CYRIA: variants seen among roughly 807,000 people sequenced by gnomAD.
CYRIA encodes the protein CYFIP related Rac1 interactor A, also known as CYFIP-related Rac1 interactor A.
Under a neutral mutation model 43.9 loss-of-function variants are expected in CYRIA, and 15 were observed. That is an observed-to-expected ratio of 0.34 (90% CI 0.23 to 0.53). The LOEUF is 0.53. Among genes scored for constraint, CYRIA ranks in the 20% least tolerant of loss-of-function variants. The pLI is 0.94. For missense variants in CYRIA, 236 were observed against 394.2 expected (o/e 0.60, Z 3.40); for synonymous variants, 117 against 136.0 (o/e 0.86, Z 0.97).
At chr2:16,619,727 A>G (rs1668934045) in intron 2 of CYRIA, among the ~76,000 whole-genome samples, 1 of 152,190 alleles carries the variant, frequency 6.6e-6, no homozygotes, top group Admixed American at 6.5e-5. Flanking sequence ...TGGGAGGATG[A>G]GGAGGTGGCT....
intron 1 of CYRIA, among the ~76,000 whole-genome samples, chr2:16,646,679 A>G (rs1024996089): frequency 1.3e-5 from 2 of 152,220 alleles, no homozygotes; most frequent in African/African-American, 4.8e-5. Context: ...TTGGTTAAAC[A>G]TTATTCTGTT....
rs1553342785 is a variant in CYRIA at position 16,601,722 on chromosome 2, A to AAAT, written c.-10-13594_-10-13593insATT. ...CACATTTCCAGTTTCAAAAAAAAAAAAAAAGAGAGAATTCATATATGCAGA... is the reference window on the plus strand; with the variant it reads ...CACATTTCCAGTTTCAAAAAAAAAAAAATAAAAGAGAGAATTCATATATGCAGA... On this transcript the variant is annotated intron_variant, in intron 2 of 11. Transcript: ENST00000381323. 5.8e-3 allele frequency among the ~76,000 whole-genome samples: 872 copies of AAAT among 151,012 alleles called. 6 individuals are homozygous for AAAT. The highest frequency in any genetic ancestry group is 0.021 in the African/African-American group (842 of 40,884).
At chr2:16,639,380 C>T (rs1319799963) in intron 1 of CYRIA, among the ~76,000 whole-genome samples, 1 of 152,234 alleles carries the variant, frequency 6.6e-6, no homozygotes, top group African/African-American at 2.4e-5. Flanking sequence ...ATCTGATATT[C>T]AGATGAAATG....
chr2:16,607,600 CT>C (rs11435489), intron 2 of CYRIA, among the ~76,000 whole-genome samples: 2 of 151,980 alleles, frequency 1.3e-5, no homozygotes, highest in Admixed American at 6.5e-5. Context: ...TGCCTTTTTT[CT>C]TTTTTTTAGA....
chr2:16,611,688 A>G (rs1163720222), intron 2 of CYRIA, among the ~76,000 whole-genome samples: 1 of 151,270 alleles, frequency 6.6e-6, no homozygotes, highest in Non-Finnish European at 1.5e-5. Flanking sequence ...CCCACTGCCA[A>G]GACGCCTGTG....
At chr2:16,646,238 A>C (rs13402845) in intron 1 of CYRIA, among the ~76,000 whole-genome samples, 13,187 of 152,210 alleles carry the variant, frequency 0.087, 1,357 homozygotes, top group African/African-American at 0.24. Flanking sequence ...TCTAGAGTTC[A>C]TCCTCCCCCA....
At position 16,648,710 on chromosome 2, in the gene CYRIA, T is replaced by C. The variant is rs1669887518; in HGVS notation, c.-167+17070A>G. Among the ~76,000 whole-genome samples the C allele has an allele frequency of 2.0e-5, 3 of 152,362 alleles. 1 individual carries two copies. In the South Asian group the frequency reaches 6.2e-4, roughly 32 times the overall value. The stretch of plus-strand genomic sequence containing the variant: ...CCAGATTATTGGAGCAGCTGTGATC[T>C]CATGAATTTACTCAGAACAACTAGT... On this transcript the variant is annotated intron_variant, in intron 1 of 11. Coordinates refer to ENST00000381323, the MANE Select transcript of CYRIA (RefSeq NM_030797.4).
intron 1 of CYRIA, among the ~76,000 whole-genome samples, chr2:16,644,795 G>C (rs1669773148): frequency 6.6e-6 from 1 of 152,080 alleles, no homozygotes; most frequent in South Asian, 2.1e-4. Context: ...ATGCAAGGGG[G>C]TCAATTATTG....
chr2:16,642,460 T>C (rs1312979524), intron 1 of CYRIA, among the ~76,000 whole-genome samples: 1 of 152,218 alleles, frequency 6.6e-6, no homozygotes, highest in African/African-American at 2.4e-5. Context: ...CGTCCCTGCA[T>C]ACCTTCCATA....
At chr2:16,574,018 G>A (rs2103432725) in intron 3 of CYRIA, among the ~76,000 whole-genome samples, 1 of 152,318 alleles carries the variant, frequency 6.6e-6, no homozygotes, top group South Asian at 2.1e-4. Context: ...ACAGGAAAAT[G>A]TGGAAAAGTT....
At chr2:16,586,074 G>A (rs1667720342) in intron 3 of CYRIA, among the ~76,000 whole-genome samples, 1 of 152,078 alleles carries the variant, frequency 6.6e-6, no homozygotes, top group Non-Finnish European at 1.5e-5. Context: ...GGCAAGTGAG[G>A]CCACTGAATT....
intron 3 of CYRIA, among the ~76,000 whole-genome samples, chr2:16,571,197 TA>T (rs745897482): frequency 6.6e-6 from 1 of 152,228 alleles, no homozygotes; most frequent in Non-Finnish European, 1.5e-5. Context: ...ATAAGTACCT[TA>T]TACATTAAGA....
intron 1 of CYRIA, among the ~76,000 whole-genome samples, chr2:16,657,312 A>G (rs1186256098): frequency 2.0e-5 from 3 of 152,140 alleles, no homozygotes; most frequent in Admixed American, 2.0e-4. Flanking sequence ...GATGAGTAAG[A>G]TTTAAAAATT....
Position 16,619,394 on chromosome 2 carries a change from T to C in CYRIA, c.-11+4470A>G, listed in dbSNP as rs546010696. Reference sequence around the variant, plus strand: ...GTGTGCATATATAGATATATATATATATACACACACACATATACATATTCT... The same window carrying C: ...GTGTGCATATATAGATATATATATACATACACACACACATATACATATTCT... On this transcript the variant is annotated intron_variant, in intron 2 of 11. Coordinates refer to ENST00000381323, the MANE Select transcript of CYRIA (RefSeq NM_030797.4). Among the ~76,000 whole-genome samples the C allele has an allele frequency of 3.3e-5, 5 of 152,232 alleles. No individual in the cohort carries two copies. In the South Asian group the frequency reaches 6.2e-4, roughly 19 times the overall value.
intron 5 of CYRIA, 36 bp downstream of exon 5, chr2:16,563,953 G>A (rs367547317): frequency 9.0e-5 from 134 of 1,487,662 alleles, no homozygotes; most frequent in Non-Finnish European, 1.1e-4. Context: ...ACAGAACTCC[G>A]TATGTGGGCC....
At chr2:16,656,915 A>G (rs1572208577) in intron 1 of CYRIA, among the ~76,000 whole-genome samples, 1 of 152,202 alleles carries the variant, frequency 6.6e-6, no homozygotes, top group African/African-American at 2.4e-5. Context: ...AGGCACAGAA[A>G]CACTAGAGCT....
chr2:16,588,328 T>C (rs1337982276), intron 2 of CYRIA, among the ~76,000 whole-genome samples, 199 bp from the exon 3 acceptor site: 2 of 152,028 alleles, frequency 1.3e-5, no homozygotes, highest in African/African-American at 2.4e-5. Context: ...TCTCTAAAAC[T>C]TGGGGACATG....
chr2:16,577,349 T>TAATA (rs1572473609), intron 3 of CYRIA, among the ~76,000 whole-genome samples: 2 of 152,228 alleles, frequency 1.3e-5, no homozygotes, highest in East Asian at 3.9e-4. Flanking sequence ...CTGTAACACA[T>TAATA]TTAGATATAA....
intron 1 of CYRIA, among the ~76,000 whole-genome samples, chr2:16,648,327 CAA>C (rs59091239): frequency 4.3e-4 from 53 of 122,032 alleles, no homozygotes; most frequent in Admixed American, 7.8e-4. Context: ...ATGACAACAG[CAA>C]AAAAAAAAAA....
Sources: gnomAD v4.1 joint callset for allele counts (sites outside exome capture counted in the v4.1 genomes callset) on GRCh38, gnomAD v4.1.1 for gene constraint, MANE v1.5 for transcripts, NCBI Gene and HGNC (gene_info 2026-07-23, HGNC 2026-07-21) for gene names.